The following DMD variants were observed in gnomAD, a reference collection of about 807,000 sequenced individuals.
DMD encodes dystrophin.
A neutral mutation model predicts 330.1 loss-of-function variants in DMD; 63 were observed. That is an observed-to-expected ratio of 0.19 (90% CI 0.16 to 0.24). The LOEUF is 0.24. DMD is among the 10% of genes least tolerant of loss of function. The probability of loss-of-function intolerance (pLI) is 1.00; values close to 1 mark genes in which losing one functional copy is unlikely to be tolerated. For synonymous variants in DMD, 1,223 were observed against 959.8 expected, an observed-to-expected ratio of 1.27 and a Z score of -5.07; for missense variants, 3,344 against 2,684.1, an observed-to-expected ratio of 1.25 and a Z score of -5.43.
intron 56 of DMD, among the ~76,000 whole-genome samples, chrX:31,501,690 G>C: frequency 8.9e-6 from 1 of 111,992 alleles, no homozygotes; most frequent in Admixed American, 9.5e-5. Flanking sequence ...CTGTGATTTG[G>C]TTAATGCCTA....
At chrX:32,746,070 C>G (rs917821955) in intron 7 of DMD, among the ~76,000 whole-genome samples, 1 of 112,054 alleles carries the variant, frequency 8.9e-6, no homozygotes, top group Non-Finnish European at 1.9e-5. Context: ...TAAAAATAAG[C>G]CATAATTCTT....
intron 62 of DMD, among the ~76,000 whole-genome samples, chrX:31,314,742 C>CAG (rs199994602): frequency 0.14 from 7,530 of 55,043 alleles, 380 homozygotes; most frequent in Non-Finnish European, 0.18. Context: ...AATACATACA[C>CAG]AGAGAGAGAG....
At chrX:32,733,477 A>C (rs1031953431) in intron 7 of DMD, among the ~76,000 whole-genome samples, 3 of 110,886 alleles carry the variant, frequency 2.7e-5, no homozygotes, top group African/African-American at 1.0e-4. Context: ...TCAGCACCAC[A>C]CCACACCTAT....
chrX:31,300,133 T>A (rs1190908925), intron 62 of DMD, among the ~76,000 whole-genome samples: 1 of 112,253 alleles, frequency 8.9e-6, no homozygotes, highest in African/African-American at 3.2e-5. Context: ...CTGCGTCGGT[T>A]GATTTTATTT....
At chrX:32,035,684 T>A in intron 44 of DMD, 1 of 170,074 alleles carries the variant, frequency 5.9e-6, no homozygotes, top group Non-Finnish European at 1.1e-5. Context: ...ACTTATTGGT[T>A]TGGACAGTGG....
intron 5 of DMD, among the ~76,000 whole-genome samples, chrX:32,819,913 A>AGATAATT (rs2078089655): frequency 9.0e-6 from 1 of 110,748 alleles, no homozygotes; most frequent in Admixed American, 9.7e-5. Flanking sequence ...ACACTGAGCA[A>AGATAATT]GATAATTTTT....
At chrX:32,194,489 C>T (rs1411013328) in intron 44 of DMD, among the ~76,000 whole-genome samples, 1 of 112,018 alleles carries the variant, frequency 8.9e-6, no homozygotes, top group Non-Finnish European at 1.9e-5. Context: ...TTTTGACATT[C>T]ATTCATTCAT....
chrX:31,684,377 G>A (rs2082558888), intron 52 of DMD, among the ~76,000 whole-genome samples: 1 of 111,709 alleles, frequency 9.0e-6, no homozygotes, highest in Admixed American at 9.5e-5. Flanking sequence ...AAGTCCCTGA[G>A]AAGGTGCGTG....
chrX:32,640,995 G>T (rs1026037869), intron 11 of DMD, among the ~76,000 whole-genome samples: 4 of 111,352 alleles, frequency 3.6e-5, no homozygotes, highest in African/African-American at 3.3e-5. Context: ...TGGCCTTTTG[G>T]TTCCTCCAGC....
intron 2 of DMD, among the ~76,000 whole-genome samples, chrX:32,962,941 A>C (rs2091962657): frequency 9.9e-6 from 1 of 101,370 alleles, no homozygotes; most frequent in Non-Finnish European, 2.1e-5. Flanking sequence ...ATGATGTGAG[A>C]TGTGACCCGA....
chrX:32,511,524 G>GAAAA (rs67754841), intron 18 of DMD, among the ~76,000 whole-genome samples: 6 of 49,783 alleles, frequency 1.2e-4, no homozygotes, highest in Admixed American at 6.4e-4. Flanking sequence ...TCCGTCTCGG[G>GAAAA]AAAAAAAAAA....
At chrX:31,862,569 G>A (rs915789346) in intron 48 of DMD, among the ~76,000 whole-genome samples, 2 of 112,045 alleles carry the variant, frequency 1.8e-5, no homozygotes, top group African/African-American at 3.2e-5. Context: ...CTTAAAATTC[G>A]AAACAAAAAT....
chrX:32,898,558 A>G (rs1276093018), intron 2 of DMD, among the ~76,000 whole-genome samples: 4 of 112,345 alleles, frequency 3.6e-5, no homozygotes, highest in African/African-American at 1.3e-4. Context: ...ATATCCATTT[A>G]TACCCACTTT....
At chrX:32,056,390 T>TAAAAAAA (rs34726053) in intron 44 of DMD, among the ~76,000 whole-genome samples, 1 of 47,570 alleles carries the variant, frequency 2.1e-5, no homozygotes, top group Admixed American at 2.3e-4. Context: ...GTAGATTAAG[T>TAAAAAAA]AAAAAAAAAA....
At chrX:32,470,256 T>C (rs1237152418) in intron 22 of DMD, among the ~76,000 whole-genome samples, 1 of 111,464 alleles carries the variant, frequency 9.0e-6, no homozygotes, top group African/African-American at 3.2e-5. Flanking sequence ...GATTCCTTGG[T>C]ATCATATTTC....
intron 41 of DMD, among the ~76,000 whole-genome samples, chrX:32,325,715 G>A (rs2097647429): frequency 9.0e-6 from 1 of 111,197 alleles, no homozygotes; most frequent in South Asian, 3.7e-4. Flanking sequence ...TCCTGGAGAT[G>A]AGGAAATTTA....
intron 16 of DMD, among the ~76,000 whole-genome samples, chrX:32,554,284 A>C (rs745830275): frequency 1.1e-4 from 12 of 111,627 alleles, no homozygotes; most frequent in Non-Finnish European, 2.1e-4. Context: ...GAAGGAGATA[A>C]AGACATGAAA....
intron 67 of DMD, among the ~76,000 whole-genome samples, chrX:31,185,110 A>C (rs1290611165): frequency 9.1e-6 from 1 of 110,450 alleles, no homozygotes; most frequent in Non-Finnish European, 1.9e-5. Context: ...AACTTAAAGT[A>C]TAATAAAAAT....
At chrX:31,926,206 G>A (rs891478074) in intron 47 of DMD, among the ~76,000 whole-genome samples, 1 of 111,190 alleles carries the variant, frequency 9.0e-6, no homozygotes, top group Non-Finnish European at 1.9e-5. Flanking sequence ...GGCTGTAAAA[G>A]GTCAAGTTAT....
Sources: gnomAD v4.1 joint callset for allele counts (sites outside exome capture counted in the v4.1 genomes callset) on GRCh38, gnomAD v4.1.1 for gene constraint, MANE v1.5 for transcripts, NCBI Gene and HGNC (gene_info 2026-07-23, HGNC 2026-07-21) for gene names.